The following MPPED2 variants were observed in gnomAD, a reference collection of about 807,000 sequenced individuals.
MPPED2 encodes metallophosphoesterase MPPED2.
A neutral mutation model predicts 33.0 loss-of-function variants in MPPED2; 5 were observed. That is an observed-to-expected ratio of 0.15 (90% confidence interval 0.08 to 0.32). The LOEUF is 0.32. Ranked by LOEUF, MPPED2 falls within the 10% of genes least tolerant of loss-of-function variation. MPPED2 has a pLI of 1.00. For missense variants in MPPED2, 275 were observed against 372.1 expected (o/e 0.74, Z 2.15); for synonymous variants, 136 against 141.9 (o/e 0.96, Z 0.29).
At chr11:30,390,876 A>T (rs1323858930) in intron 6 of MPPED2, among the ~76,000 whole-genome samples, 1 of 152,056 alleles carries the variant, frequency 6.6e-6, no homozygotes, top group Non-Finnish European at 1.5e-5. Flanking sequence ...CTTATCTTCT[A>T]GTCAATGAGA....
At chr11:30,451,723 A>T in intron 4 of MPPED2, 2 of 978,284 alleles carry the variant, frequency 2.0e-6, no homozygotes, top group Non-Finnish European at 2.4e-6. Context: ...TTGAAAGAAT[A>T]CAACTGTTTT....
intron 4 of MPPED2, among the ~76,000 whole-genome samples, chr11:30,465,881 T>C (rs1950687816): frequency 6.6e-6 from 1 of 152,052 alleles, no homozygotes; most frequent in South Asian, 2.1e-4. Flanking sequence ...TACATGGGGG[T>C]CCTGCAACCA....
intron 4 of MPPED2, among the ~76,000 whole-genome samples, chr11:30,449,152 G>A (rs1949941133): frequency 6.6e-6 from 1 of 151,596 alleles, no homozygotes; most frequent in African/African-American, 2.4e-5. Flanking sequence ...CACAGTGCCT[G>A]GAACATGGTA....
intron 4 of MPPED2, among the ~76,000 whole-genome samples, chr11:30,432,067 G>T (rs1320474066): frequency 2.0e-5 from 3 of 151,852 alleles, no homozygotes; most frequent in Non-Finnish European, 2.9e-5. Context: ...TACTTGGGAG[G>T]CTGAAGCATG....
At chr11:30,419,999 A>G (rs1948541418) in intron 4 of MPPED2, among the ~76,000 whole-genome samples, 2 of 152,196 alleles carry the variant, frequency 1.3e-5, no homozygotes, top group African/African-American at 4.8e-5. Flanking sequence ...AAGTCCTAAT[A>G]TATACAATCA....
At chr11:30,410,220 C>T (rs1011450496), downstream of MPPED2, 25 of 985,512 alleles carry the variant, frequency 2.5e-5, no homozygotes, top group South Asian at 9.4e-5. Flanking sequence ...CTAAACAGCA[C>T]GAATTTAAAA....
At chr11:30,416,938 T>C (rs58592607) in intron 5 of MPPED2, among the ~76,000 whole-genome samples, 40 of 152,304 alleles carry the variant, frequency 2.6e-4, no homozygotes, top group African/African-American at 9.6e-4. Flanking sequence ...ACACAGACAA[T>C]ATAAATCTGG....
At chr11:30,485,390 G>A (rs1332381825) in intron 4 of MPPED2, among the ~76,000 whole-genome samples, 1 of 66,500 alleles carries the variant, frequency 1.5e-5, no homozygotes, top group Non-Finnish European at 5.0e-5. Flanking sequence ...GATGAAACTG[G>A]TTCAGAGAGA....
At position 30,528,336 on chromosome 11, in the gene MPPED2, A is replaced by T. The variant is rs187065595; in HGVS notation, c.310+7658T>A. Among the ~76,000 whole-genome samples, 173 of 152,178 alleles carry T rather than the reference A, an allele frequency of 1.1e-3. 1 individual carries two copies. The highest frequency in any genetic ancestry group is 2.0e-3 in the Non-Finnish European group (137 of 68,008). On this transcript the variant is annotated intron_variant, in intron 3 of 6. Transcript: ENST00000358117. ...AGTAGCACGATCTTGGCTCACTGCA[A>T]CCTCTGCCTCCCGGGTTCAGGTGAT...
chr11:30,431,451 C>T (rs1949073960), intron 4 of MPPED2, among the ~76,000 whole-genome samples: 1 of 152,190 alleles, frequency 6.6e-6, no homozygotes, highest in Non-Finnish European at 1.5e-5. Context: ...ATGGCAATGA[C>T]ACATTGTTGG....
chr11:30,452,922 G>A (rs1054113003), intron 4 of MPPED2, among the ~76,000 whole-genome samples: 2 of 152,030 alleles, frequency 1.3e-5, no homozygotes, highest in Non-Finnish European at 2.9e-5. Context: ...GCTAAAGATG[G>A]AGACATTGCA....
intron 4 of MPPED2, among the ~76,000 whole-genome samples, chr11:30,423,370 T>C (rs1948696655): frequency 6.6e-6 from 1 of 152,172 alleles, no homozygotes; most frequent in African/African-American, 2.4e-5. Flanking sequence ...CTTGGGTTCT[T>C]ATTACTATAG....
intron 2 of MPPED2, among the ~76,000 whole-genome samples, chr11:30,562,602 C>T (rs1956282109): frequency 6.6e-6 from 1 of 152,144 alleles, no homozygotes; most frequent in South Asian, 2.1e-4. Flanking sequence ...CCTTGCTTCT[C>T]CTACTCAGTT....
At chr11:30,438,961 C>T (rs565661449) in intron 4 of MPPED2, among the ~76,000 whole-genome samples, 12 of 152,180 alleles carry the variant, frequency 7.9e-5, no homozygotes, top group Non-Finnish European at 1.6e-4. Context: ...AGAGAAGGAA[C>T]ATGCTAAATA....
At chr11:30,488,007 G>A (rs1270568864) in intron 4 of MPPED2, among the ~76,000 whole-genome samples, 3 of 151,966 alleles carry the variant, frequency 2.0e-5, no homozygotes, top group Admixed American at 6.6e-5. Flanking sequence ...AGACATCTAG[G>A]ATATCCTGGT....
intron 3 of MPPED2, among the ~76,000 whole-genome samples, chr11:30,519,901 G>C (rs1953758388): frequency 6.6e-6 from 1 of 152,104 alleles, no homozygotes; most frequent in African/African-American, 2.4e-5. Flanking sequence ...CAAACGACTA[G>C]GGAATAGGAT....
At chr11:30,545,642 C>A (rs982737080) in intron 2 of MPPED2, among the ~76,000 whole-genome samples, 1 of 152,042 alleles carries the variant, frequency 6.6e-6, no homozygotes, top group Non-Finnish European at 1.5e-5. Context: ...ACCCTTACAG[C>A]GATAGGCTCT....
rs182856176 is a variant in MPPED2 at position 30,544,753 on chromosome 11, T to C, written c.129-8578A>G. On this transcript the variant is annotated intron_variant, in intron 2 of 6. Transcript: ENST00000358117. The stretch of plus-strand genomic sequence containing the variant: ...TGCTATGGAGTAAAAGGAAAAAATA[T>C]CCAGCACTGCCTATGGGCTAGGAAG... 7.9e-5 allele frequency among the ~76,000 whole-genome samples: 12 copies of C among 152,270 alleles called. No homozygotes were observed. The East Asian group carries it at 1.9e-3, about 24-fold the overall frequency.
At chr11:30,553,073 C>T (rs1193297192) in intron 2 of MPPED2, among the ~76,000 whole-genome samples, 1 of 152,166 alleles carries the variant, frequency 6.6e-6, no homozygotes, top group Non-Finnish European at 1.5e-5. Context: ...CCACCCACCT[C>T]TGCTGCCTGT....
Sources: allele counts gnomAD v4.1 joint callset (sites outside exome capture counted in the v4.1 genomes callset), GRCh38; gene constraint gnomAD v4.1.1; transcripts MANE v1.5; gene names NCBI Gene and HGNC (gene_info 2026-07-23, HGNC 2026-07-21).